The following FAM110B variants were observed in gnomAD, a reference collection of about 807,000 sequenced individuals.
FAM110B encodes protein FAM110B.
Under a neutral mutation model 20.4 loss-of-function variants are expected in FAM110B, and 6 were observed. The ratio of observed to expected loss-of-function variants is 0.29; its 90% CI spans 0.16 to 0.58. The LOEUF (loss-of-function observed/expected upper bound fraction) is 0.58, where lower values mean the gene tolerates loss of function less well. Ranked by LOEUF, FAM110B falls within the 20% of genes least tolerant of loss-of-function variation. FAM110B has a pLI of 0.90. For missense variants in FAM110B, 434 were observed against 498.2 expected, an observed-to-expected ratio of 0.87 and a Z score of 1.23; for synonymous variants, 226 against 214.1, an observed-to-expected ratio of 1.06 and a Z score of -0.49.
chr8:58,087,405 T>C lies in FAM110B; in HGVS notation c.-325+11782T>C, dbSNP rs79020049. On this transcript the variant is annotated intron_variant, in intron 3 of 3. Coordinates refer to ENST00000519262, the MANE Select transcript of FAM110B (RefSeq NM_001377989.1). ...TGCTTTTTGAATAGGCATATACATT[T>C]CACAAGCACTTTCACTTCAGCGGCC... Among the ~76,000 whole-genome samples the C allele has an allele frequency of 5.5e-3, 831 of 152,316 alleles. 12 individuals carry two copies. Among genetic ancestry groups the C allele is most frequent in the African/African-American group, 0.019 (794 of 41,574 alleles).
chr8:58,035,191 T>G (rs79481797), intron 2 of FAM110B, among the ~76,000 whole-genome samples: 1 of 152,232 alleles, frequency 6.6e-6, no homozygotes, highest in Non-Finnish European at 1.5e-5. Flanking sequence ...TATTTTGTTC[T>G]CTCATTAGAC....
At chr8:58,136,003 CTTTTTTTTTT>C (rs5891669) in intron 3 of FAM110B, among the ~76,000 whole-genome samples, 4 of 71,494 alleles carry the variant, frequency 5.6e-5, no homozygotes, top group African/African-American at 1.3e-4. Context: ...CCAGCAAGTC[CTTTTTTTTTT>C]TTTTTTTTTT....
chr8:58,078,539 A>G (rs1329697532), intron 3 of FAM110B, among the ~76,000 whole-genome samples: 1 of 123,404 alleles, frequency 8.1e-6, no homozygotes, highest in Admixed American at 8.0e-5. Flanking sequence ...TTCTCTCCAG[A>G]TTTTTGCCTT....
chr8:58,088,552 T>C (rs1332132389), intron 3 of FAM110B, among the ~76,000 whole-genome samples: 1 of 152,230 alleles, frequency 6.6e-6, no homozygotes, highest in Non-Finnish European at 1.5e-5. Context: ...TGAATACTTA[T>C]TTAACAAACC....
chr8:58,115,788 G>A (rs1807193691), intron 3 of FAM110B, among the ~76,000 whole-genome samples: 1 of 152,180 alleles, frequency 6.6e-6, no homozygotes, highest in African/African-American at 2.4e-5. Flanking sequence ...TTATTCTGGT[G>A]TTGAGAAATG....
intron 3 of FAM110B, among the ~76,000 whole-genome samples, chr8:58,082,585 C>G (rs1806225808): frequency 6.6e-6 from 1 of 152,274 alleles, no homozygotes; most frequent in Middle Eastern, 3.4e-3. Flanking sequence ...TTTTCTGTCT[C>G]TCTCTAATAG....
intron 3 of FAM110B, among the ~76,000 whole-genome samples, chr8:58,102,517 G>A (rs1806801948): frequency 6.6e-6 from 1 of 152,140 alleles, no homozygotes; most frequent in Non-Finnish European, 1.5e-5. Context: ...TAGATCAGAT[G>A]GTATGATTCC....
intron 3 of FAM110B, among the ~76,000 whole-genome samples, chr8:58,080,845 C>G (rs1806170791): frequency 6.6e-6 from 1 of 152,212 alleles, no homozygotes; most frequent in South Asian, 2.1e-4. Flanking sequence ...CTTCACAGAG[C>G]ACTGGCCCTT....
chr8:58,135,083 G>A (rs753537171), intron 3 of FAM110B, among the ~76,000 whole-genome samples: 60 of 152,328 alleles, frequency 3.9e-4, no homozygotes, highest in Non-Finnish European at 7.5e-4. Context: ...ACTGTGATAA[G>A]GTGGGGTGGG....
chr8:58,052,360 A>G (rs901658167), intron 2 of FAM110B, among the ~76,000 whole-genome samples: 11 of 152,226 alleles, frequency 7.2e-5, no homozygotes, highest in African/African-American at 2.7e-4. Flanking sequence ...AGAAAGCAGT[A>G]TAGAGATGTT....
chr8:58,032,459 T>A (rs1487355160), intron 2 of FAM110B: 2 of 152,198 alleles, frequency 1.3e-5, no homozygotes, highest in Non-Finnish European at 2.9e-5. Flanking sequence ...TTGGTTAGAT[T>A]TAGGTGCACA....
intron 3 of FAM110B, among the ~76,000 whole-genome samples, chr8:58,102,338 T>C (rs1407395081): frequency 6.6e-6 from 1 of 152,216 alleles, no homozygotes; most frequent in Non-Finnish European, 1.5e-5. Context: ...TGGGAAATTA[T>C]CCATCTACAG....
chr8:58,030,180 G>T (rs10448026), intron 1 of FAM110B, among the ~76,000 whole-genome samples: 130,466 of 152,234 alleles, frequency 0.86, 56,306 homozygotes, highest in African/African-American at 0.94. Flanking sequence ...AATTTGAGTT[G>T]CTGGAAATCC....
At chr8:58,091,217 A>G (rs1395342923) in intron 3 of FAM110B, among the ~76,000 whole-genome samples, 2 of 152,242 alleles carry the variant, frequency 1.3e-5, no homozygotes, top group South Asian at 4.1e-4. Flanking sequence ...GTATGTTTTA[A>G]GCAAAGCAGA....
At chr8:58,086,709 C>A (rs1356411649) in intron 3 of FAM110B, among the ~76,000 whole-genome samples, 1 of 152,220 alleles carries the variant, frequency 6.6e-6, no homozygotes, top group East Asian at 1.9e-4. Context: ...CTACAAACTG[C>A]CACCTTTGCA....
At chr8:58,076,168 C>T (rs983849979) in intron 3 of FAM110B, among the ~76,000 whole-genome samples, 1 of 152,100 alleles carries the variant, frequency 6.6e-6, no homozygotes, top group Non-Finnish European at 1.5e-5. Flanking sequence ...ACTATGTTGC[C>T]CAGGCTGATA....
intron 3 of FAM110B, among the ~76,000 whole-genome samples, chr8:58,081,611 TG>T (rs1461324637): frequency 6.6e-6 from 1 of 152,330 alleles, no homozygotes; most frequent in African/African-American, 2.4e-5. Context: ...ACCTCTCATC[TG>T]GGCTCTTCTG....
intron 1 of FAM110B, among the ~76,000 whole-genome samples, chr8:58,021,469 G>A (rs76286243): frequency 0.023 from 3,520 of 152,182 alleles, 151 homozygotes; most frequent in African/African-American, 0.081. Context: ...AAAAGTTAAA[G>A]ACACATACAC....
intron 3 of FAM110B, among the ~76,000 whole-genome samples, chr8:58,104,226 GTTC>G (rs1178765174): frequency 5.3e-5 from 8 of 152,162 alleles, no homozygotes; most frequent in Non-Finnish European, 8.8e-5. Flanking sequence ...AGTTCCACCT[GTTC>G]TTCTCCAAGA....
Sources: allele counts gnomAD v4.1 joint callset (sites outside exome capture counted in the v4.1 genomes callset), GRCh38; gene constraint gnomAD v4.1.1; transcripts MANE v1.5; gene names NCBI Gene and HGNC (gene_info 2026-07-23, HGNC 2026-07-21).